MCU: variants seen among roughly 807,000 people sequenced by gnomAD.
MCU encodes the protein mitochondrial calcium uniporter, also known as calcium uniporter protein, mitochondrial.
MCU carries 12 observed loss-of-function variants against 45.2 expected under a neutral mutation model. The ratio of observed to expected loss-of-function variants is 0.27; its 90% CI spans 0.17 to 0.43. The LOEUF (loss-of-function observed/expected upper bound fraction) is 0.43. Among genes scored for constraint, MCU ranks in the 20% least tolerant of loss-of-function variants. MCU has a pLI of 1.00. For missense variants in MCU, 324 were observed against 436.7 expected (o/e 0.74, Z 2.30); for synonymous variants, 160 against 165.1 (o/e 0.97, Z 0.24).
chr10:72,734,511 C>G (rs1462231280), intron 1 of MCU, among the ~76,000 whole-genome samples: 1 of 152,158 alleles, frequency 6.6e-6, no homozygotes, highest in Non-Finnish European at 1.5e-5. Context: ...TTCCGTTGGA[C>G]TGCACTGTGC....
intron 1 of MCU, among the ~76,000 whole-genome samples, chr10:72,717,790 T>C (rs547474762): frequency 2.8e-4 from 42 of 152,322 alleles, no homozygotes; most frequent in Non-Finnish European, 5.1e-4. Flanking sequence ...GCTTTAAAAG[T>C]GCATCTGGAT....
At chr10:72,825,054 A>C in intron 1 of MCU, among the ~76,000 whole-genome samples, 1 of 152,176 alleles carries the variant, frequency 6.6e-6, no homozygotes, top group Middle Eastern at 3.2e-3. Flanking sequence ...TTTTTTCTGT[A>C]CTGATCTTTT....
intron 1 of MCU, among the ~76,000 whole-genome samples, chr10:72,740,495 TA>T (rs1843312238): frequency 1.3e-5 from 2 of 152,176 alleles, no homozygotes; most frequent in African/African-American, 4.8e-5. Context: ...ATGACTAGAA[TA>T]TACTATTAGA....
chr10:72,818,112 C>T (rs1758670194), intron 1 of MCU, among the ~76,000 whole-genome samples: 1 of 152,118 alleles, frequency 6.6e-6, no homozygotes, highest in Non-Finnish European at 1.5e-5. Flanking sequence ...ACTTAAAAGG[C>T]TTAAACAGTT....
rs187865131 is a variant in MCU at position 72,816,256 on chromosome 10, A to G, written c.151-18103A>G. 1.0e-3 allele frequency among the ~76,000 whole-genome samples: 156 copies of G among 152,320 alleles called. 1 individual carries two copies. The highest frequency in any genetic ancestry group is 0.01 in the Middle Eastern group (3 of 294). ...CACTCATTAACAAGTCTAGTTTTAC[A>G]TCAGATTTTTTTTCTTCAGCTATTT... is the stretch of plus-strand genomic sequence containing the variant. On this transcript the variant is annotated intron_variant, in intron 1 of 7. Transcript: ENST00000373053.
At position 72,869,336 on chromosome 10, in the gene MCU, A is replaced by G. The variant is rs180967809; in HGVS notation, c.657+473A>G. Reference sequence around the variant, plus strand: ...GTGGTGGCTCACGCCTGTAATCCCAACACTTTGGGAGGCCAAGGCAGGCAG... The same window carrying G: ...GTGGTGGCTCACGCCTGTAATCCCAGCACTTTGGGAGGCCAAGGCAGGCAG... On this transcript the variant is annotated intron_variant, in intron 5 of 7. Coordinates refer to ENST00000373053, the MANE Select transcript of MCU (RefSeq NM_138357.3). Among the ~76,000 whole-genome samples the G allele has an allele frequency of 3.3e-3, 505 of 152,280 alleles. 4 individuals carry two copies. The highest frequency in any genetic ancestry group is 0.011 in the African/African-American group (478 of 41,578).
intron 1 of MCU, among the ~76,000 whole-genome samples, chr10:72,782,407 G>A (rs957895273): frequency 3.9e-5 from 6 of 152,080 alleles, no homozygotes; most frequent in African/African-American, 1.4e-4. Flanking sequence ...TTTTGCTCTT[G>A]TCACCTGGGC....
chr10:72,836,005 A>G (rs1589487177), intron 2 of MCU, among the ~76,000 whole-genome samples: 1 of 152,068 alleles, frequency 6.6e-6, no homozygotes, highest in African/African-American at 2.4e-5. Flanking sequence ...TCCTCTTGAC[A>G]CTGCTTGGTC....
intron 1 of MCU, among the ~76,000 whole-genome samples, chr10:72,733,266 G>A (rs924263848): frequency 1.3e-5 from 2 of 152,160 alleles, no homozygotes; most frequent in Non-Finnish European, 2.9e-5. Flanking sequence ...AGACCAGCCT[G>A]GCCAACATGG....
chr10:72,842,249 G>A (rs1016152175), intron 2 of MCU, among the ~76,000 whole-genome samples: 1 of 152,142 alleles, frequency 6.6e-6, no homozygotes, highest in African/African-American at 2.4e-5. Flanking sequence ...AGTTTTGTCA[G>A]TTTCTCTGTA....
intron 2 of MCU, among the ~76,000 whole-genome samples, chr10:72,856,582 A>G (rs936711444): frequency 6.6e-6 from 1 of 152,050 alleles, no homozygotes; most frequent in East Asian, 1.9e-4. Context: ...ATTAGTAGGG[A>G]TATAAATCCT....
chr10:72,722,316 C>T (rs1358659776), intron 1 of MCU, among the ~76,000 whole-genome samples: 1 of 20,158 alleles, frequency 5.0e-5, no homozygotes, highest in African/African-American at 1.2e-4. Context: ...AACTCCATCT[C>T]AAAAAAAAAA....
chr10:72,749,490 G>C (rs1843463377), intron 1 of MCU, among the ~76,000 whole-genome samples: 1 of 152,056 alleles, frequency 6.6e-6, no homozygotes, highest in African/African-American at 2.4e-5. Context: ...AACACATTAG[G>C]TTGATCAAAT....
intron 1 of MCU, among the ~76,000 whole-genome samples, chr10:72,802,273 TC>T (rs1315834099): frequency 6.6e-6 from 1 of 152,232 alleles, no homozygotes; most frequent in African/African-American, 2.4e-5. Flanking sequence ...TTTAGCATTT[TC>T]GGTGAGTCTT....
At chr10:72,754,808 C>T (rs1451741086) in intron 1 of MCU, among the ~76,000 whole-genome samples, 1 of 151,784 alleles carries the variant, frequency 6.6e-6, no homozygotes, top group East Asian at 1.9e-4. Flanking sequence ...CCAGCCTGGG[C>T]TTAGCTAGAC....
intron 1 of MCU, among the ~76,000 whole-genome samples, chr10:72,738,658 C>A (rs1843283544): frequency 6.6e-6 from 1 of 152,108 alleles, no homozygotes; most frequent in African/African-American, 2.4e-5. Flanking sequence ...TATTTGGCAC[C>A]CAGTTTATAA....
chr10:72,763,952 A>G (rs1029783324), intron 1 of MCU, among the ~76,000 whole-genome samples: 3 of 152,144 alleles, frequency 2.0e-5, no homozygotes, highest in Admixed American at 2.0e-4. Flanking sequence ...GTGCTCAACC[A>G]AAGAATGAAC....
At chr10:72,805,099 TTCTCTTTCTTTC>T in intron 1 of MCU, among the ~76,000 whole-genome samples, 1 of 57,066 alleles carries the variant, frequency 1.8e-5, no homozygotes, top group East Asian at 4.5e-4. Flanking sequence ...CTTTCTTTCT[TTCTCTTTCTTTC>T]TTTCTTTCTT....
At chr10:72,832,696 G>T (rs1318560036) in intron 1 of MCU, among the ~76,000 whole-genome samples, 2 of 152,084 alleles carry the variant, frequency 1.3e-5, no homozygotes, top group Non-Finnish European at 1.5e-5. Flanking sequence ...TCTATGCCAG[G>T]CATGTTCTAA....
Sources: allele counts gnomAD v4.1 joint callset (sites outside exome capture counted in the v4.1 genomes callset), GRCh38; gene constraint gnomAD v4.1.1; transcripts MANE v1.5; gene names NCBI Gene and HGNC (gene_info 2026-07-23, HGNC 2026-07-21).